The following SIPA1L3 variants were observed in gnomAD, a reference collection of about 807,000 sequenced individuals.
The protein encoded by SIPA1L3 is signal-induced proliferation-associated 1-like protein 3.
A neutral mutation model predicts 150.1 loss-of-function variants in SIPA1L3; 59 were observed. The observed-to-expected ratio is 0.39, with a 90% CI of 0.32 to 0.49. The LOEUF is 0.49. Ranked by LOEUF, SIPA1L3 falls within the 20% of genes least tolerant of loss-of-function variation. The pLI, the probability that SIPA1L3 is intolerant of heterozygous loss-of-function variation, is 0.86. For missense variants in SIPA1L3, 2,211 were observed against 2,489.5 expected (o/e 0.89, Z 2.38); for synonymous variants, 1,070 against 1,077.6 (o/e 0.99, Z 0.14).
chr19:38,181,367 A>G (rs898860561), intron 15 of SIPA1L3, among the ~76,000 whole-genome samples: 10 of 152,188 alleles, frequency 6.6e-5, no homozygotes, highest in African/African-American at 2.4e-4. Context: ...GTGTGCTGGC[A>G]CATGCCGTGT....
In SIPA1L3 at chr19:38,055,634, G is replaced by C. The variant is rs1450479092; in HGVS notation, c.-310-25622G>C. ...AATGTGGACCTCTCTCAAGGAATCA[G>C]AAGAGGATGGGTTTGGATTTGACAA... On this transcript the variant is annotated intron_variant, in intron 2 of 21. Transcript: ENST00000222345. Among the ~76,000 whole-genome samples, 5 of 152,244 alleles carry C rather than the reference G, an allele frequency of 3.3e-5. No homozygotes were observed. In the East Asian group the frequency reaches 9.6e-4, roughly 29 times the overall value.
At chr19:37,971,216 A>C (rs1193577606) in intron 1 of SIPA1L3, among the ~76,000 whole-genome samples, 1 of 151,842 alleles carries the variant, frequency 6.6e-6, no homozygotes, top group African/African-American at 2.4e-5. Context: ...CCTGGGTTCA[A>C]GTGATCCTCC....
intron 2 of SIPA1L3, among the ~76,000 whole-genome samples, chr19:38,029,900 GCTGGAGTGCA>G (rs1968606500): frequency 6.6e-6 from 1 of 150,766 alleles, no homozygotes; most frequent in African/African-American, 2.4e-5. Flanking sequence ...TGTCACCCAG[GCTGGAGTGCA>G]GTGGCGCCAT....
At chr19:38,060,391 A>C (rs904140935) in intron 2 of SIPA1L3, among the ~76,000 whole-genome samples, 5 of 152,236 alleles carry the variant, frequency 3.3e-5, no homozygotes, top group Admixed American at 1.3e-4. Context: ...TTAGAAAAAA[A>C]ATAAAACGAA....
intron 9 of SIPA1L3, among the ~76,000 whole-genome samples, chr19:38,127,303 A>G (rs1244478992): frequency 2.0e-5 from 3 of 152,208 alleles, no homozygotes; most frequent in Non-Finnish European, 4.4e-5. Context: ...AAGAAATCCT[A>G]GACATCTTAT....
chr19:38,103,365 G>A (rs1483844910), intron 6 of SIPA1L3, among the ~76,000 whole-genome samples: 1 of 151,970 alleles, frequency 6.6e-6, no homozygotes, highest in East Asian at 1.9e-4. Flanking sequence ...AATGGCCCAC[G>A]CCTGTAATCT....
chr19:38,117,099 G>A (rs959512961), intron 8 of SIPA1L3, among the ~76,000 whole-genome samples: 1 of 152,170 alleles, frequency 6.6e-6, no homozygotes, highest in African/African-American at 2.4e-5. Flanking sequence ...AAGCCTCGAT[G>A]GGTTGAGAGC....
chr19:38,036,737 C>T lies in SIPA1L3; in HGVS notation c.-311+7581C>T, dbSNP rs855610. 4.4e-3 allele frequency among the ~76,000 whole-genome samples: 664 copies of T among 152,220 alleles called. 8 individuals are homozygous for T. The highest frequency in any genetic ancestry group is 0.015 in the African/African-American group (624 of 41,548). ...CCTAGAGGTTGGACACAACAGATGT[C>T]CATTTCTTACTTGTGACATGGGCAG... On this transcript the variant is annotated intron_variant, in intron 2 of 21. Coordinates refer to ENST00000222345, the MANE Select transcript of SIPA1L3 (RefSeq NM_015073.3).
intron 20 of SIPA1L3, 119 bp downstream of exon 20, chr19:38,202,116 G>T: frequency 1.0e-6 from 1 of 981,860 alleles, no homozygotes; most frequent in Non-Finnish European, 1.5e-6. Context: ...GGCGGAAGCT[G>T]ATATAGCAGC....
rs192221131 is a variant in SIPA1L3 at position 37,983,517 on chromosome 19, C to T, written c.-378-45572C>T. Among the ~76,000 whole-genome samples, 397 of 151,282 alleles carry T rather than the reference C, an allele frequency of 2.6e-3. 5 individuals are homozygous for T. In the Middle Eastern group the frequency reaches 0.027, roughly 10 times the overall value. The stretch of plus-strand genomic sequence containing the variant: ...AGTAGCGTTGACCATGAAGAGTAAC[C>T]GAGTCTTAGCCTCAGGTATGCGGAG... On this transcript the variant is annotated intron_variant, in intron 1 of 21. Coordinates refer to ENST00000222345, the MANE Select transcript of SIPA1L3 (RefSeq NM_015073.3).
chr19:38,079,192 G>A (rs959202815), intron 2 of SIPA1L3, among the ~76,000 whole-genome samples: 3 of 152,320 alleles, frequency 2.0e-5, no homozygotes, highest in Admixed American at 6.5e-5. Flanking sequence ...AATTAGCCAG[G>A]TATGGTGGCA....
At chr19:38,107,391 C>T (rs1970646603) in intron 7 of SIPA1L3, among the ~76,000 whole-genome samples, 1 of 152,138 alleles carries the variant, frequency 6.6e-6, no homozygotes, top group African/African-American at 2.4e-5. Flanking sequence ...GAGGTGCTTT[C>T]CTGAACTGGG....
chr19:38,178,202 G>A (rs1270643056), intron 15 of SIPA1L3, among the ~76,000 whole-genome samples: 1 of 150,898 alleles, frequency 6.6e-6, no homozygotes, highest in Admixed American at 6.6e-5. Flanking sequence ...TTATTTTTTT[G>A]TGGAGGCAGG....
chr19:37,916,477 C>G (rs988601521), intron 1 of SIPA1L3, among the ~76,000 whole-genome samples: 1 of 139,652 alleles, frequency 7.2e-6, no homozygotes, highest in African/African-American at 2.7e-5. Context: ...GAGCTATGAT[C>G]ACACCACTCT....
rs1972164398 is a variant in SIPA1L3 at position 38,164,608 on chromosome 19, G to A, written c.3910G>A (p.Gly1304Ser). 1.2e-6 allele frequency: 2 copies of A among 1,613,974 alleles called. No homozygotes were observed. Among genetic ancestry groups the A allele is most frequent in the African/African-American group, 1.3e-5 (1 of 74,884 alleles). Residue 1304 changes from glycine to serine, a missense_variant, in exon 15 of 22, where the codon GGT becomes AGT. Physicochemically the swap from Gly to Ser is moderately conservative, Grantham distance 56. This residue lies in a region of SIPA1L3 where 806 missense variants were observed against 870.1 expected (regional missense o/e 0.93). Transcript: ENST00000222345. The surrounding 1 kb of genome is among the most constrained non-coding windows in gnomAD (Gnocchi z 4.1). ...LEPEQDPLSK[G>S]GSSDSGIDTT... is the part of the protein sequence containing the mutation. ...GCCAGAGCAAGACCCCCTCTCCAAG[G>A]GTGGCTCTAGTGACAGCGGCATCGA...
chr19:38,189,335 G>A (rs552993397), intron 16 of SIPA1L3, among the ~76,000 whole-genome samples: 19 of 151,990 alleles, frequency 1.3e-4, no homozygotes, highest in African/African-American at 4.1e-4. Context: ...TGTTACCCAG[G>A]CTGGTCTCAC....
chr19:37,980,544 C>T (rs2145613218), intron 1 of SIPA1L3, among the ~76,000 whole-genome samples: 1 of 152,260 alleles, frequency 6.6e-6, no homozygotes, highest in East Asian at 1.9e-4. Flanking sequence ...ACAGTGTGAA[C>T]AGCATGCTTC....
chr19:38,190,059 C>T (rs901364070), intron 16 of SIPA1L3, among the ~76,000 whole-genome samples: 19 of 152,180 alleles, frequency 1.2e-4, no homozygotes, highest in African/African-American at 4.6e-4. Context: ...GCACATGTGG[C>T]ACTGTGGACT....
At chr19:37,911,790 C>T (rs964103910) in intron 1 of SIPA1L3, among the ~76,000 whole-genome samples, 6 of 152,194 alleles carry the variant, frequency 3.9e-5, no homozygotes, top group Middle Eastern at 3.4e-3. Flanking sequence ...TGAGCCACCG[C>T]GCCTGGCCCC....
Sources: allele counts gnomAD v4.1 joint callset (sites outside exome capture counted in the v4.1 genomes callset), GRCh38; gene constraint gnomAD v4.1.1; regional missense constraint gnomAD v4.1.1; non-coding constraint Gnocchi (gnomAD v3.1); transcripts MANE v1.5; gene names NCBI Gene and HGNC (gene_info 2026-07-23, HGNC 2026-07-21).